Variants in ABR observed in about 807,000 individuals in gnomAD.
ABR encodes active breakpoint cluster region-related protein.
Under a neutral mutation model 107.2 loss-of-function variants are expected in ABR, and 35 were observed. That is an observed-to-expected ratio of 0.33 (90% CI 0.25 to 0.43). The LOEUF is 0.43. Among genes scored for constraint, ABR ranks in the 20% least tolerant of loss-of-function variants. The probability of loss-of-function intolerance (pLI) is 1.00; values close to 1 mark genes in which losing one functional copy is unlikely to be tolerated. For synonymous variants in ABR, 498 were observed against 462.0 expected (o/e 1.08, Z -1.00); for missense variants, 815 against 1,115.2 (o/e 0.73, Z 3.83).
chr17:1,075,554 C>A (rs542662370), intron 6 of ABR, among the ~76,000 whole-genome samples: 1 of 151,302 alleles, frequency 6.6e-6, no homozygotes, highest in Non-Finnish European at 1.5e-5. Context: ...GGCTGCCTGT[C>A]GGAATCACTG....
chr17:1,120,091 C>T (rs2039281067), intron 2 of ABR, among the ~76,000 whole-genome samples: 1 of 152,012 alleles, frequency 6.6e-6, no homozygotes, highest in Non-Finnish European at 1.5e-5. Flanking sequence ...CCTCTCCGAG[C>T]CCCAGTTTTC....
chr17:1,222,877 C>G (rs2043143337), intron 1 of ABR, among the ~76,000 whole-genome samples: 1 of 152,074 alleles, frequency 6.6e-6, no homozygotes, highest in Non-Finnish European at 1.5e-5. Context: ...CCACTGCACT[C>G]CAGCTTGGGC....
chr17:1,187,575 C>T (rs907124281), upstream of ABR, among the ~76,000 whole-genome samples: 1 of 152,206 alleles, frequency 6.6e-6, no homozygotes, highest in East Asian at 1.9e-4. Context: ...ATCATCCCGC[C>T]GGACAAAACC....
chr17:1,020,869 G>A lies in ABR; in HGVS notation c.1792-7705C>T, dbSNP rs563508530. ...GACCCCATTTCTCCTGCCTCTGCCCGGAGGGCTGCTCCCGGCCAGCTCCCC... is the reference window on the plus strand; with the variant it reads ...GACCCCATTTCTCCTGCCTCTGCCCAGAGGGCTGCTCCCGGCCAGCTCCCC... On this transcript the variant is annotated intron_variant, in intron 16 of 22. Coordinates refer to ENST00000302538, the MANE Select transcript of ABR (RefSeq NM_021962.5). Among the ~76,000 whole-genome samples the A allele has an allele frequency of 5.3e-5, 8 of 152,222 alleles. No individual in the cohort carries two copies. In the East Asian group the frequency reaches 7.8e-4, roughly 15 times the overall value.
chr17:1,089,381 A>C (rs1225557463), intron 4 of ABR, among the ~76,000 whole-genome samples: 2 of 152,202 alleles, frequency 1.3e-5, no homozygotes, highest in African/African-American at 4.8e-5. Flanking sequence ...CAATGAGGTA[A>C]ATACTGTTAC....
At position 1,005,936 on chromosome 17, in the gene ABR, C is replaced by T. The variant is rs936756832; in HGVS notation, c.*144G>A. 21 of 766,076 alleles carry T rather than the reference C, an allele frequency of 2.7e-5. No homozygotes were observed. Among genetic ancestry groups the T allele is most frequent in the Middle Eastern group, 4.9e-4 (2 of 4,054 alleles). 47.5% of individuals were successfully genotyped at this position (766,076 alleles called of 1,614,324 possible). ...TGTACAAGGTGGCACAAAAGACGTACGCATTCCAGTTCTTGGAAGCTGGCT... is the reference window on the plus strand; with the variant it reads ...TGTACAAGGTGGCACAAAAGACGTATGCATTCCAGTTCTTGGAAGCTGGCT... On this transcript the variant is annotated 3_prime_UTR_variant, in exon 23 of 23. Transcript: ENST00000302538.
At chr17:1,031,868 C>T in intron 16 of ABR, 2 of 1,195,970 alleles carry the variant, frequency 1.7e-6, no homozygotes, top group Non-Finnish European at 2.1e-6. Flanking sequence ...CTCCCTCCCT[C>T]CCCGCGCTCC....
At chr17:1,127,076 C>T (rs2039634705) in intron 1 of ABR, among the ~76,000 whole-genome samples, 1 of 152,200 alleles carries the variant, frequency 6.6e-6, no homozygotes, top group South Asian at 2.1e-4. Flanking sequence ...CCAATCTGGC[C>T]TTTTGGCAGC....
chr17:1,019,059 G>A (rs750953941), intron 16 of ABR, among the ~76,000 whole-genome samples: 3 of 152,110 alleles, frequency 2.0e-5, no homozygotes, highest in East Asian at 1.9e-4. Context: ...AGGCAACATC[G>A]GGCCTCCTGG....
Position 1,050,981 on chromosome 17 carries a change from T to A in ABR, c.1562-347A>T, listed in dbSNP as rs1344288043. Among the ~76,000 whole-genome samples, 1 of 151,978 alleles carries A rather than the reference T, an allele frequency of 6.6e-6. No individual in the cohort carries two copies. Among genetic ancestry groups the A allele is most frequent in the African/African-American group, 2.4e-5 (1 of 41,362 alleles). ...CTCCCTCTAAAGGGCCCTTGACTGT[T>A]CCGTCTCCACATCTTCCTCACCATG... On this transcript the variant is annotated intron_variant, in intron 14 of 22. Transcript: ENST00000302538. The surrounding 1 kb of genome is among the most constrained non-coding windows in gnomAD (Gnocchi z 4.6).
Position 1,150,115 on chromosome 17 carries a change from A to G in ABR, c.62-24748T>C, listed in dbSNP as rs1015028233. On this transcript the variant is annotated intron_variant, in intron 1 of 22. Transcript: ENST00000302538. This position sits in a 1 kb window ranked among gnomAD's most constrained non-coding sequence, Gnocchi z 4.8. ...CGGCCTGGGAGAGACACCGAGAGGAAGGCCAGCTTGCCCGGTGTCTTCTCA... is the reference window on the plus strand; with the variant it reads ...CGGCCTGGGAGAGACACCGAGAGGAGGGCCAGCTTGCCCGGTGTCTTCTCA... 1.7e-4 allele frequency among the ~76,000 whole-genome samples: 26 copies of G among 151,482 alleles called. No homozygotes were observed. Among genetic ancestry groups the G allele is most frequent in the Admixed American group, 8.6e-4 (13 of 15,194 alleles).
At chr17:1,025,666 T>G (rs2150865877) in intron 16 of ABR, among the ~76,000 whole-genome samples, 1 of 152,316 alleles carries the variant, frequency 6.6e-6, no homozygotes, top group East Asian at 1.9e-4. Context: ...GAATTCTTCT[T>G]GTCATTTAAA....
Position 1,165,813 on chromosome 17 carries a change from G to A in ABR, c.61+13854C>T, listed in dbSNP as rs535758703. ...CTCCCAAAGTACTGGGATTACAGGC[G>A]TGGGCCACCATGTCCAGCCCCAAAA... On this transcript the variant is annotated intron_variant, in intron 1 of 22. Coordinates refer to ENST00000302538, the MANE Select transcript of ABR (RefSeq NM_021962.5). Among the ~76,000 whole-genome samples, 8 of 152,316 alleles carry A rather than the reference G, an allele frequency of 5.3e-5. No individual in the cohort carries two copies. The East Asian group carries it at 9.7e-4, about 18-fold the overall frequency.
intron 1 of ABR, chr17:1,185,215 G>T (rs2042248952): frequency 6.6e-6 from 1 of 152,174 alleles, no homozygotes; most frequent in South Asian, 2.1e-4. Flanking sequence ...ACTACAGCAG[G>T]CCAGATGACC....
At chr17:1,140,243 G>A (rs1259325295) in intron 1 of ABR, among the ~76,000 whole-genome samples, 1 of 152,226 alleles carries the variant, frequency 6.6e-6, no homozygotes, top group Non-Finnish European at 1.5e-5. Context: ...TCTGGGCTTG[G>A]AGGGCTGAGC....
rs965854559 is a variant in ABR at position 1,070,404 on chromosome 17, A to C, written c.895-314T>G. On this transcript the variant is annotated intron_variant, in intron 8 of 22. Coordinates refer to ENST00000302538, the MANE Select transcript of ABR (RefSeq NM_021962.5). This position sits in a 1 kb window ranked among gnomAD's most constrained non-coding sequence, Gnocchi z 4.2. ...ATCGAGATGGTGCATGTGAAACAGC[A>C]CAGTGCCTGGCACATTAAGTGTGTG... Among the ~76,000 whole-genome samples, 1 of 152,180 alleles carries C rather than the reference A, an allele frequency of 6.6e-6. No individual in the cohort carries two copies. Among genetic ancestry groups the C allele is most frequent in the Non-Finnish European group, 1.5e-5 (1 of 68,016 alleles).
chr17:1,064,229 C>G (rs2034412000), intron 10 of ABR, among the ~76,000 whole-genome samples: 1 of 109,170 alleles, frequency 9.2e-6, no homozygotes, highest in African/African-American at 3.3e-5. Context: ...GCATGTTCCT[C>G]TAGACGCTGC....
Position 1,150,005 on chromosome 17 carries a change from G to A in ABR, c.62-24638C>T, listed in dbSNP as rs756744970. 5.3e-5 allele frequency among the ~76,000 whole-genome samples: 8 copies of A among 152,212 alleles called. No homozygotes were observed. Among genetic ancestry groups the A allele is most frequent in the Admixed American group, 2.6e-4 (4 of 15,284 alleles). ...AAGTTCTAAGAACAGGGCCTGGCACGTGGTATAACGTTAGTGGCTGTTATT... is the reference window on the plus strand; with the variant it reads ...AAGTTCTAAGAACAGGGCCTGGCACATGGTATAACGTTAGTGGCTGTTATT... On this transcript the variant is annotated intron_variant, in intron 1 of 22. Transcript: ENST00000302538. The surrounding 1 kb of genome is among the most constrained non-coding windows in gnomAD (Gnocchi z 4.8).
Position 1,179,576 on chromosome 17 carries a change from TTGGGGTCCCGATCCCGATCC to T in ABR, c.61+71_61+90del, listed in dbSNP as rs2042048413. Reference sequence around the variant, plus strand: ...CGGTGCCTGGGTCCCGATCCCGATCTTGGGGTCCCGATCCCGATCCTGGGGTCCCGATCTCCATCCTGGGG... The same window carrying T: ...CGGTGCCTGGGTCCCGATCCCGATCTTGGGGTCCCGATCTCCATCCTGGGG... On this transcript the variant is annotated intron_variant, in intron 1 of 22. Transcript: ENST00000302538. The surrounding 1 kb of genome is among the most constrained non-coding windows in gnomAD (Gnocchi z 4.9). The T allele has an allele frequency of 4.6e-6, 6 of 1,304,374 alleles. No individual in the cohort carries two copies. The highest frequency in any genetic ancestry group is 3.4e-5 in the South Asian group (2 of 59,108). The allele number at this position is 1,304,374 out of a possible 1,614,324, so 80.8% of individuals were successfully genotyped here.
Sources: gnomAD v4.1 joint callset for allele counts (sites outside exome capture counted in the v4.1 genomes callset) on GRCh38, gnomAD v4.1.1 for gene constraint, Gnocchi (gnomAD v3.1) non-coding constraint, MANE v1.5 for transcripts, NCBI Gene and HGNC (gene_info 2026-07-23, HGNC 2026-07-21) for gene names.